The following HOXD3 variants were observed in gnomAD, a reference collection of about 807,000 sequenced individuals.
The protein encoded by HOXD3 is homeobox protein Hox-D3.
In HOXD3, 13 loss-of-function variants were observed where a neutral mutation model predicts 32.8. The observed-to-expected ratio is 0.40, with a 90% confidence interval of 0.26 to 0.63. The LOEUF is 0.63. Ranked by LOEUF, HOXD3 falls within the 20% of genes least tolerant of loss-of-function variation. The probability of loss-of-function intolerance (pLI) is 0.44; values close to 1 mark genes in which losing one functional copy is unlikely to be tolerated. For synonymous variants in HOXD3, 241 were observed against 246.8 expected (o/e 0.98, Z 0.22); for missense variants, 504 against 577.1 (o/e 0.87, Z 1.30).
At chr2:176,154,494 T>C (rs1312659381), upstream of HOXD3, among the ~76,000 whole-genome samples, 1 of 152,194 alleles carries the variant, frequency 6.6e-6, no homozygotes, top group African/African-American at 2.4e-5. Context: ...AAGGATAAGC[T>C]TAAAATTTAA....
In HOXD3 at chr2:176,169,324, C is replaced by G; in HGVS notation, c.210C>G (p.Ile70Met). 6.2e-7 allele frequency: 1 copy of G among 1,614,114 alleles called. No homozygotes were observed. The highest frequency in any genetic ancestry group is 8.5e-7 in the Non-Finnish European group (1 of 1,180,022). Residue 70 changes from isoleucine (I) to methionine (M), a missense_variant, in exon 3 of 4, where the codon ATC becomes ATG. By Grantham distance (10) the Ile-to-Met change is conservative (BLOSUM62 1). Around this residue, in one of 3 missense-constraint regions of HOXD3, gnomAD observed 181 missense variants for 172.2 expected, o/e 1.05. Transcript: ENST00000683222. ...DTDYPGSACSIQSSAPLRAPA... is the reference protein window; with the variant it reads ...DTDYPGSACSMQSSAPLRAPA... The stretch of plus-strand genomic sequence containing the variant: ...ACTATCCAGGTTCTGCCTGCTCCAT[C>G]CAGAGCTCTGCCCCTCTGAGAGCCC...
intron 2 of HOXD3, among the ~76,000 whole-genome samples, 169 bp from the exon 3 acceptor site, chr2:176,168,862 G>A (rs926923468): frequency 2.6e-5 from 4 of 152,212 alleles, no homozygotes; most frequent in African/African-American, 9.7e-5. Context: ...CAACAAGCAA[G>A]ACACTGTATT....
Position 176,171,738 on chromosome 2 carries a change from G to T in HOXD3, c.763G>T (p.Ala255Ser). Residue 255 changes from alanine to serine, a missense_variant, in exon 4 of 4, where the codon GCC becomes TCC. By Grantham distance (99) the Ala-to-Ser change is moderately conservative. Transcript: ENST00000683222. ...CATGAAGTACAAGAAGGACCAGAAG[G>T]CCAAGGGCATCCTGCACTCGCCGGC... ...RRMKYKKDQK[A>S]KGILHSPASQ... 1 of 1,614,106 alleles carries T rather than the reference G, an allele frequency of 6.2e-7. No individual in the cohort carries two copies. Among genetic ancestry groups the T allele is most frequent in the South Asian group, 1.1e-5 (1 of 91,074 alleles).
At chr2:176,166,955 T>C (rs728521) in intron 2 of HOXD3, among the ~76,000 whole-genome samples, 39,915 of 152,130 alleles carry the variant, frequency 0.26, 5,581 homozygotes, top group Non-Finnish European at 0.31. Flanking sequence ...TGGTACATCA[T>C]GATGACCAGG....
At chr2:176,158,921 A>T (rs1690713546) in intron 1 of HOXD3, among the ~76,000 whole-genome samples, 1 of 149,146 alleles carries the variant, frequency 6.7e-6, no homozygotes, top group Non-Finnish European at 1.5e-5. Context: ...CCCGGCAGCC[A>T]ACAGCCTCCC....
chr2:176,157,093 G>C (rs1214389953), upstream of HOXD3, among the ~76,000 whole-genome samples: 2 of 152,124 alleles, frequency 1.3e-5, no homozygotes, highest in African/African-American at 2.4e-5. Flanking sequence ...ACCCTCGGCG[G>C]ACGGCGCTTC....
chr2:176,155,857 G>A (rs1461299456), upstream of HOXD3, among the ~76,000 whole-genome samples: 1 of 152,150 alleles, frequency 6.6e-6, no homozygotes, highest in Non-Finnish European at 1.5e-5. Flanking sequence ...TGAGGACATT[G>A]CTCCTCTGAC....
upstream of HOXD3, among the ~76,000 whole-genome samples, chr2:176,155,087 C>T (rs1358286406): frequency 6.6e-6 from 1 of 152,136 alleles, no homozygotes; most frequent in East Asian, 1.9e-4. Context: ...TTTTTCCTCT[C>T]TAACATGGAG....
intron 2 of HOXD3, chr2:176,165,020 C>T (rs899468694): frequency 6.6e-6 from 1 of 152,264 alleles, no homozygotes; most frequent in African/African-American, 2.4e-5. Context: ...GAGCTGCTAG[C>T]AGAAGCAGGC....
chr2:176,169,742 GGA>G, intron 3 of HOXD3, 87 bp downstream of exon 3: 1 of 1,466,264 alleles, frequency 6.8e-7, no homozygotes, highest in Non-Finnish European at 9.1e-7. Context: ...ATGCAACCTT[GGA>G]GGTCATATGT....
At chr2:176,153,703 A>G (rs1690590730), upstream of HOXD3, among the ~76,000 whole-genome samples, 1 of 152,190 alleles carries the variant, frequency 6.6e-6, no homozygotes, top group South Asian at 2.1e-4. Context: ...CTGGAAATGT[A>G]TATAGGGGGG....
upstream of HOXD3, chr2:176,152,854 C>T (rs1574974055): frequency 1.2e-6 from 2 of 1,614,070 alleles, no homozygotes; most frequent in African/African-American, 2.7e-5. This position sits in a 1 kb window ranked among gnomAD's most constrained non-coding sequence, Gnocchi z 5.2. Context: ...TCCTCATCTT[C>T]CTCCTCATCT....
In HOXD3 at chr2:176,157,384, C is replaced by T. The variant is rs373655247; in HGVS notation, c.-249C>T. Among the ~76,000 whole-genome samples, 2 of 152,264 alleles carry T rather than the reference C, an allele frequency of 1.3e-5. No homozygotes were observed. The highest frequency in any genetic ancestry group is 4.8e-5 in the African/African-American group (2 of 41,560). The stretch of plus-strand genomic sequence containing the variant: ...AGGGATCCCAAGAATATCACCCGTC[C>T]AGGGGGGCCGCGCGGTGCCCCCGGC... On this transcript the variant is annotated 5_prime_UTR_variant, in exon 1 of 4. Transcript: ENST00000683222.
At chr2:176,154,913 G>T (rs1026983819), upstream of HOXD3, among the ~76,000 whole-genome samples, 1 of 152,082 alleles carries the variant, frequency 6.6e-6, no homozygotes, top group African/African-American at 2.4e-5. Flanking sequence ...TTTTTCTGAC[G>T]CCCTCACGTT....
chr2:176,158,128 TTTC>T (rs1173048746), intron 1 of HOXD3, among the ~76,000 whole-genome samples: 3 of 152,232 alleles, frequency 2.0e-5, no homozygotes, highest in Non-Finnish European at 2.9e-5. Context: ...CCCCAGCGAG[TTTC>T]TTCTTCTTTC....
upstream of HOXD3, among the ~76,000 whole-genome samples, chr2:176,153,647 T>A (rs1002364696): frequency 2.6e-5 from 4 of 152,014 alleles, no homozygotes; most frequent in African/African-American, 9.7e-5. Context: ...GGGAGCAGAA[T>A]CAGAGATATG....
chr2:176,159,791 T>A (rs1690739683), intron 1 of HOXD3, among the ~76,000 whole-genome samples: 1 of 152,240 alleles, frequency 6.6e-6, no homozygotes, highest in Non-Finnish European at 1.5e-5. Context: ...CTCCTCGCCT[T>A]CCTGGAGGCG....
chr2:176,168,838 C>T (rs1043370045), intron 2 of HOXD3, among the ~76,000 whole-genome samples, 193 bp from the exon 3 acceptor site: 1 of 152,090 alleles, frequency 6.6e-6, no homozygotes, highest in African/African-American at 2.4e-5. Context: ...CATGCCACTG[C>T]ACTCCAGCCT....
At chr2:176,166,621 A>G (rs1690978423) in intron 2 of HOXD3, among the ~76,000 whole-genome samples, 1 of 152,282 alleles carries the variant, frequency 6.6e-6, no homozygotes, top group African/African-American at 2.4e-5. Context: ...AGAATGATAT[A>G]TAAAATTAAT....
Sources: allele counts gnomAD v4.1 joint callset (sites outside exome capture counted in the v4.1 genomes callset), GRCh38; gene constraint gnomAD v4.1.1; regional missense constraint gnomAD v4.1.1; non-coding constraint Gnocchi (gnomAD v3.1); transcripts MANE v1.5; gene names NCBI Gene and HGNC (gene_info 2026-07-23, HGNC 2026-07-21).